The following GALNT18 variants were observed in gnomAD, a reference collection of about 807,000 sequenced individuals.
GALNT18 encodes the protein GalNAc-transferase 18.
In GALNT18, 44 loss-of-function variants were observed where a neutral mutation model predicts 69.5. The ratio of observed to expected loss-of-function variants is 0.63; its 90% CI spans 0.50 to 0.81. The LOEUF is 0.81. Among genes scored for constraint, GALNT18 ranks in the 40% least tolerant of loss-of-function variants. The pLI, the probability that GALNT18 is intolerant of heterozygous loss-of-function variation, is 0.00. For missense variants in GALNT18, 715 were observed against 810.0 expected (o/e 0.88, Z 1.42); for synonymous variants, 364 against 318.2 (o/e 1.14, Z -1.53).
intron 2 of GALNT18, among the ~76,000 whole-genome samples, chr11:11,438,854 T>C (rs531074814): frequency 6.6e-6 from 1 of 152,312 alleles, no homozygotes; most frequent in African/African-American, 2.4e-5. Flanking sequence ...ACTGAGTCTT[T>C]GAAGCCCAAC....
rs755954738 is a variant in GALNT18 at position 11,543,995 on chromosome 11, G to C, written c.235+77364C>G. ...AATTGCCTACAAACTTAATAAAAAT[G>C]GATTTTGGGGCCCTGCAATAGTGCG... is the stretch of plus-strand genomic sequence containing the variant. On this transcript the variant is annotated intron_variant, in intron 1 of 10. Transcript: ENST00000227756. This position sits in a 1 kb window ranked among gnomAD's most constrained non-coding sequence, Gnocchi z 5.1. 7.9e-5 allele frequency among the ~76,000 whole-genome samples: 12 copies of C among 152,204 alleles called. No homozygotes were observed. Among genetic ancestry groups the C allele is most frequent in the Admixed American group, 3.3e-4 (5 of 15,282 alleles).
At position 11,340,638 on chromosome 11, in the gene GALNT18, A is replaced by G. The variant is rs1850186732; in HGVS notation, c.1278+181T>C. Among the ~76,000 whole-genome samples the G allele has an allele frequency of 6.6e-6, 1 of 152,182 alleles. No homozygotes were observed. Among genetic ancestry groups the G allele is most frequent in the Non-Finnish European group, 1.5e-5 (1 of 68,038 alleles). The stretch of plus-strand genomic sequence containing the variant: ...AGGGATTAGGGTAGCAGGATAAGAA[A>G]TGGCTTAGAGCCTCATGGCCCCTTT... On this transcript the variant is annotated intron_variant, in intron 7 of 10. Coordinates refer to ENST00000227756, the MANE Select transcript of GALNT18 (RefSeq NM_198516.3). This position sits in a 1 kb window ranked among gnomAD's most constrained non-coding sequence, Gnocchi z 4.2.
chr11:11,448,001 C>A (rs1383124107), intron 2 of GALNT18, among the ~76,000 whole-genome samples: 1 of 152,188 alleles, frequency 6.6e-6, no homozygotes, highest in African/African-American at 2.4e-5. Flanking sequence ...TCTCCCTGAG[C>A]CACAAATAAC....
At chr11:11,508,448 C>T (rs1590060760) in intron 1 of GALNT18, among the ~76,000 whole-genome samples, 3 of 152,310 alleles carry the variant, frequency 2.0e-5, no homozygotes, top group South Asian at 4.1e-4. Context: ...ATTGGTAATT[C>T]TAAGTGTGGT....
intron 3 of GALNT18, among the ~76,000 whole-genome samples, chr11:11,417,425 T>C (rs61870279): frequency 0.067 from 10,227 of 151,860 alleles, 501 homozygotes; most frequent in East Asian, 0.15. Context: ...ATAAAAAGCA[T>C]TTCAAGAGAA....
intron 1 of GALNT18, among the ~76,000 whole-genome samples, chr11:11,503,199 A>C (rs1857007543): frequency 6.6e-6 from 1 of 152,202 alleles, no homozygotes; most frequent in Non-Finnish European, 1.5e-5. Context: ...AATATGCTTT[A>C]GGAGGAACAG....
intron 9 of GALNT18, among the ~76,000 whole-genome samples, chr11:11,293,567 G>A (rs1332983382): frequency 8.8e-6 from 1 of 113,492 alleles, no homozygotes; most frequent in Admixed American, 1.1e-4. Context: ...TGGAGACAGA[G>A]TCTTGCTCTG....
intron 3 of GALNT18, among the ~76,000 whole-genome samples, chr11:11,409,434 T>C (rs75445337): frequency 0.026 from 3,995 of 152,214 alleles, 164 homozygotes; most frequent in African/African-American, 0.091. Flanking sequence ...TGGAGAGAGT[T>C]TGGGACTCCA....
intron 5 of GALNT18, among the ~76,000 whole-genome samples, chr11:11,375,112 T>C (rs1853715101): frequency 6.6e-6 from 1 of 152,200 alleles, no homozygotes; most frequent in South Asian, 2.1e-4. Flanking sequence ...CACCAGAAGA[T>C]ATTGCTGGGC....
rs1468099446 is a variant in GALNT18 at position 11,607,768 on chromosome 11, T to C, written c.235+13591A>G. On this transcript the variant is annotated intron_variant, in intron 1 of 10. Coordinates refer to ENST00000227756, the MANE Select transcript of GALNT18 (RefSeq NM_198516.3). ...AGTTGAGTTAGAAGAGAGGGAAAAA[T>C]CTGTCCTCAAGAAGACACTCTCCAC... is the stretch of plus-strand genomic sequence containing the variant. 2.0e-5 allele frequency among the ~76,000 whole-genome samples: 3 copies of C among 151,924 alleles called. No homozygotes were observed. In the East Asian group the frequency reaches 5.8e-4, roughly 29 times the overall value.
rs1453473244 is a variant in GALNT18 at position 11,573,527 on chromosome 11, G to A, written c.235+47832C>T. Reference sequence around the variant, plus strand: ...GTCTTATTTTCCTTATTTTACAGATGCAGAACCTGATGCCCAGCAAAGGGG... The same window carrying A: ...GTCTTATTTTCCTTATTTTACAGATACAGAACCTGATGCCCAGCAAAGGGG... On this transcript the variant is annotated intron_variant, in intron 1 of 10. Coordinates refer to ENST00000227756, the MANE Select transcript of GALNT18 (RefSeq NM_198516.3). This position sits in a 1 kb window ranked among gnomAD's most constrained non-coding sequence, Gnocchi z 4.6. 2.0e-5 allele frequency: 3 copies of A among 152,150 alleles called. No homozygotes were observed. Among genetic ancestry groups the A allele is most frequent in the Non-Finnish European group, 2.9e-5 (2 of 68,044 alleles). The allele number at this position is 152,150 out of a possible 1,614,324, so 9.4% of individuals were successfully genotyped here.
intron 3 of GALNT18, among the ~76,000 whole-genome samples, chr11:11,381,225 C>G: frequency 6.6e-6 from 1 of 152,176 alleles, no homozygotes; most frequent in East Asian, 1.9e-4. Context: ...CTTCCAAGGT[C>G]CATTTCTCAT....
In GALNT18 at chr11:11,613,008, G is replaced by T. The variant is rs1165231396; in HGVS notation, c.235+8351C>A. ...GTTTATGGTGGCTGGACACTCAGGG[G>T]TTTCCACTAGCATCATTAAGGACAG... On this transcript the variant is annotated intron_variant, in intron 1 of 10. Transcript: ENST00000227756. The surrounding 1 kb of genome is among the most constrained non-coding windows in gnomAD (Gnocchi z 4.2). 6.6e-6 allele frequency among the ~76,000 whole-genome samples: 1 copy of T among 152,168 alleles called. No homozygotes were observed. Among genetic ancestry groups the T allele is most frequent in the Non-Finnish European group, 1.5e-5 (1 of 68,046 alleles).
chr11:11,496,855 C>T lies in GALNT18; in HGVS notation c.236-47919G>A, dbSNP rs566176245. ...TCTACGCCAGTTCCCTCACCCCCTG[C>T]CACCCATCAACCACAGTAACCAGAG... On this transcript the variant is annotated intron_variant, in intron 1 of 10. Coordinates refer to ENST00000227756, the MANE Select transcript of GALNT18 (RefSeq NM_198516.3). The surrounding 1 kb of genome is among the most constrained non-coding windows in gnomAD (Gnocchi z 4.0). 1.1e-4 allele frequency among the ~76,000 whole-genome samples: 17 copies of T among 152,234 alleles called. No homozygotes were observed. The highest frequency in any genetic ancestry group is 3.1e-4 in the African/African-American group (13 of 41,554).
chr11:11,495,766 T>G (rs1182122444), intron 1 of GALNT18, among the ~76,000 whole-genome samples: 1 of 152,090 alleles, frequency 6.6e-6, no homozygotes, highest in Non-Finnish European at 1.5e-5. Context: ...CAATCCTCAT[T>G]ATAGAAGCGG....
At chr11:11,367,744 T>A (rs1007497666) in intron 6 of GALNT18, among the ~76,000 whole-genome samples, 11 of 152,246 alleles carry the variant, frequency 7.2e-5, no homozygotes, top group African/African-American at 2.7e-4. Flanking sequence ...TTCTAATCAG[T>A]TTCTCCATGT....
At position 11,441,093 on chromosome 11, in the gene GALNT18, T is replaced by C. The variant is rs140247406; in HGVS notation, c.428+7651A>G. ...TTTCTCAACATCTCTTAAAACCCAA[T>C]TCTGCAGTTGTGATCTGAGCAGCAG... On this transcript the variant is annotated intron_variant, in intron 2 of 10. Transcript: ENST00000227756. Among the ~76,000 whole-genome samples, 51 of 152,320 alleles carry C rather than the reference T, an allele frequency of 3.3e-4. 1 individual carries two copies. Among genetic ancestry groups the C allele is most frequent in the African/African-American group, 1.2e-3 (49 of 41,568 alleles).
chr11:11,271,734 A>G (rs1028817232), intron 10 of GALNT18, among the ~76,000 whole-genome samples: 1 of 151,680 alleles, frequency 6.6e-6, no homozygotes, highest in Admixed American at 6.6e-5. Context: ...CTCTGGAGTC[A>G]TCAATACTGG....
At position 11,616,899 on chromosome 11, in the gene GALNT18, G is replaced by T. The variant is rs578206841; in HGVS notation, c.235+4460C>A. Among the ~76,000 whole-genome samples the T allele has an allele frequency of 2.5e-4, 38 of 152,334 alleles. 1 individual carries two copies. In the South Asian group the frequency reaches 6.6e-3, roughly 27 times the overall value. On this transcript the variant is annotated intron_variant, in intron 1 of 10. Coordinates refer to ENST00000227756, the MANE Select transcript of GALNT18 (RefSeq NM_198516.3). This position sits in a 1 kb window ranked among gnomAD's most constrained non-coding sequence, Gnocchi z 4.4. ...AATTACTTTAAGTTCTAAGTGCTTT[G>T]CAAAGGTTTTATAAACGGTAGTCAG...
Sources: gnomAD v4.1 joint callset for allele counts (sites outside exome capture counted in the v4.1 genomes callset) on GRCh38, gnomAD v4.1.1 for gene constraint, Gnocchi (gnomAD v3.1) non-coding constraint, MANE v1.5 for transcripts, NCBI Gene and HGNC (gene_info 2026-07-23, HGNC 2026-07-21) for gene names.